The following PXK variants were observed in gnomAD, a reference collection of about 807,000 sequenced individuals.
The protein encoded by PXK is PX domain containing serine/threonine kinase like, also known as PX domain-containing protein kinase-like protein.
Under a neutral mutation model 84.7 loss-of-function variants are expected in PXK, and 35 were observed. That is an observed-to-expected ratio of 0.41 (90% CI 0.32 to 0.55). PXK has a LOEUF of 0.55. Among genes scored for constraint, PXK ranks in the 20% least tolerant of loss-of-function variants. The probability of loss-of-function intolerance (pLI) is 0.21; values close to 1 mark genes in which losing one functional copy is unlikely to be tolerated. For synonymous variants in PXK, 253 were observed against 260.8 expected (o/e 0.97, Z 0.29); for missense variants, 634 against 699.7 (o/e 0.91, Z 1.06).
chr3:58,390,690 AAGAC>A lies in PXK; in HGVS notation c.466+35_466+38del. The stretch of plus-strand genomic sequence containing the variant: ...ACATTGGCACGCTCATTCTGTTAAA[AAGAC>A]AGATCACAGAACTGGATCCTTAGTC... On this transcript the variant is annotated intron_variant, in intron 5 of 17. Coordinates refer to ENST00000356151, the MANE Select transcript of PXK (RefSeq NM_017771.5). The surrounding 1 kb of genome is among the most constrained non-coding windows in gnomAD (Gnocchi z 4.2). 1 of 1,587,082 alleles carries A rather than the reference AAGAC, an allele frequency of 6.3e-7. No homozygotes were observed. Among genetic ancestry groups the A allele is most frequent in the Non-Finnish European group, 8.6e-7 (1 of 1,159,282 alleles).
At position 58,390,782 on chromosome 3, in the gene PXK, A is replaced by G; in HGVS notation, c.466+123A>G. 1.2e-6 allele frequency: 1 copy of G among 857,900 alleles called. No individual in the cohort carries two copies. Among genetic ancestry groups the G allele is most frequent in the Non-Finnish European group, 1.8e-6 (1 of 563,810 alleles). 53.1% of individuals were successfully genotyped at this position (857,900 alleles called of 1,614,324 possible). On this transcript the variant is annotated intron_variant, in intron 5 of 17. Coordinates refer to ENST00000356151, the MANE Select transcript of PXK (RefSeq NM_017771.5). This position sits in a 1 kb window ranked among gnomAD's most constrained non-coding sequence, Gnocchi z 4.2. ...GCAGGTGACTTCTTTTTCTTTTTGC[A>G]TATCAACTGCTTGAGGATACAGCTG... is the stretch of plus-strand genomic sequence containing the variant.
Position 58,399,750 on chromosome 3 carries a change from C to G in PXK, c.1181+373C>G, listed in dbSNP as rs1464143244. Among the ~76,000 whole-genome samples, 1 of 152,046 alleles carries G rather than the reference C, an allele frequency of 6.6e-6. No homozygotes were observed. The highest frequency in any genetic ancestry group is 1.5e-5 in the Non-Finnish European group (1 of 68,024). ...CCCTGCATCAGCAAACCAGTTGGCC[C>G]CCAGCTGTGCATAGTTCACAAGTCA... On this transcript the variant is annotated intron_variant, in intron 12 of 17. Coordinates refer to ENST00000356151, the MANE Select transcript of PXK (RefSeq NM_017771.5). The surrounding 1 kb of genome is among the most constrained non-coding windows in gnomAD (Gnocchi z 4.3).
intron 4 of PXK, among the ~76,000 whole-genome samples, chr3:58,387,140 A>G (rs1281843978): frequency 1.3e-5 from 2 of 152,132 alleles, no homozygotes; most frequent in African/African-American, 4.8e-5. Flanking sequence ...GCCTGGTACA[A>G]CTGAGCTCTG....
intron 1 of PXK, among the ~76,000 whole-genome samples, chr3:58,348,993 A>G (rs1425030002): frequency 1.3e-5 from 2 of 152,164 alleles, no homozygotes; most frequent in Non-Finnish European, 2.9e-5. Flanking sequence ...CAATTACAGC[A>G]TATCTCAATT....
chr3:58,378,492 C>CT lies in PXK; in HGVS notation c.202-4001dup, dbSNP rs1159247642. ...ATTGGATTTGGACTTCATTTTTCTT[C>CT]TTTTTTTTTTTTTTTTTTTTTGTGT... On this transcript the variant is annotated intron_variant, in intron 3 of 17. Transcript: ENST00000356151. Among the ~76,000 whole-genome samples the CT allele has an allele frequency of 4.5e-4, 11 of 24,310 alleles. 1 individual carries two copies. Among genetic ancestry groups the CT allele is most frequent in the Middle Eastern group, 0.026 (1 of 38 alleles). The allele number at this position is 24,310 out of a possible 152,430, so 15.9% of individuals were successfully genotyped here. A position where few individuals can be genotyped will look rare whatever the true frequency, so the allele number is the denominator to read the frequency against.
chr3:58,333,238 C>A lies in PXK; in HGVS notation c.102+148C>A, dbSNP rs1047941579. 3 of 369,872 alleles carry A rather than the reference C, an allele frequency of 8.1e-6. No homozygotes were observed. The highest frequency in any genetic ancestry group is 9.5e-5 in the South Asian group (1 of 10,492). 22.9% of individuals were successfully genotyped at this position (369,872 alleles called of 1,614,324 possible). On this transcript the variant is annotated intron_variant, in intron 1 of 17. Transcript: ENST00000356151. This position sits in a 1 kb window ranked among gnomAD's most constrained non-coding sequence, Gnocchi z 5.4. ...CCTGGCCGAGAAGGCTGTGGCGCGC[C>A]GCTGGGTCTGGGTCAGGGCCCCTGG...
At chr3:58,363,547 C>T (rs903476274) in intron 1 of PXK, among the ~76,000 whole-genome samples, 3 of 152,084 alleles carry the variant, frequency 2.0e-5, no homozygotes, top group African/African-American at 7.2e-5. Context: ...GTCTTAAACT[C>T]CTGGACTCAA....
intron 1 of PXK, 131 bp from the exon 2 acceptor site, chr3:58,365,743 C>T: frequency 4.6e-6 from 3 of 657,758 alleles, no homozygotes; most frequent in Non-Finnish European, 7.3e-6. Flanking sequence ...GTCCCTTTCT[C>T]TCTGTCTCTG....
chr3:58,339,587 A>G (rs1575651821), intron 1 of PXK, among the ~76,000 whole-genome samples: 1 of 152,202 alleles, frequency 6.6e-6, no homozygotes, highest in East Asian at 1.9e-4. Flanking sequence ...ATCCCTGTAT[A>G]TCATCTGTTT....
At chr3:58,360,319 TG>T (rs1227345161) in intron 1 of PXK, among the ~76,000 whole-genome samples, 5 of 152,236 alleles carry the variant, frequency 3.3e-5, no homozygotes, top group African/African-American at 1.2e-4. Context: ...TATCAGTCTT[TG>T]CCAAATAAAC....
At chr3:58,373,608 GC>G (rs1233503390) in intron 3 of PXK, among the ~76,000 whole-genome samples, 3 of 152,178 alleles carry the variant, frequency 2.0e-5, no homozygotes, top group Non-Finnish European at 4.4e-5. Context: ...ATGGTTGAAG[GC>G]AATTTACAGA....
At chr3:58,346,074 C>T (rs2097811140) in intron 1 of PXK, among the ~76,000 whole-genome samples, 1 of 152,180 alleles carries the variant, frequency 6.6e-6, no homozygotes, top group African/African-American at 2.4e-5. Flanking sequence ...CAGGTCTAAG[C>T]AAGACAGACT....
Position 58,355,313 on chromosome 3 carries a change from T to C in PXK, c.103-10561T>C, listed in dbSNP as rs2098049256. On this transcript the variant is annotated intron_variant, in intron 1 of 17. Coordinates refer to ENST00000356151, the MANE Select transcript of PXK (RefSeq NM_017771.5). ...GTAGAGAGGTGGGAACACTGACAGGTTCTGCAAAACATCTCTGAACAGCTG... is the reference window on the plus strand; with the variant it reads ...GTAGAGAGGTGGGAACACTGACAGGCTCTGCAAAACATCTCTGAACAGCTG... 3.3e-5 allele frequency among the ~76,000 whole-genome samples: 5 copies of C among 152,064 alleles called. No homozygotes were observed. In the South Asian group the frequency reaches 1.0e-3, roughly 31 times the overall value.
Position 58,412,832 on chromosome 3 carries a change from C to T in PXK, c.1466-69C>T. The T allele has an allele frequency of 1.7e-5, 26 of 1,522,716 alleles. No homozygotes were observed. The highest frequency in any genetic ancestry group is 2.4e-5 in the Non-Finnish European group (26 of 1,097,204). 94.3% of individuals were successfully genotyped at this position (1,522,716 alleles called of 1,614,324 possible). On this transcript the variant is annotated intron_variant, in intron 16 of 17. Transcript: ENST00000356151. The surrounding 1 kb of genome is among the most constrained non-coding windows in gnomAD (Gnocchi z 6.2). ...TGTAGATTCTCAGACAGCAGTGGGT[C>T]CCAGCCTGGGCCAAATTCCAAATGT...
At chr3:58,404,234 G>A (rs963297274) in intron 13 of PXK, among the ~76,000 whole-genome samples, 1 of 152,174 alleles carries the variant, frequency 6.6e-6, no homozygotes, top group Admixed American at 6.5e-5. Flanking sequence ...GGAAGCAGTG[G>A]TGTTATGTGT....
intron 7 of PXK, 21 bp downstream of exon 7, chr3:58,391,868 T>C (rs200350373): frequency 2.5e-6 from 4 of 1,578,494 alleles, no homozygotes; most frequent in African/African-American, 1.3e-5. Context: ...GTCTTTCTTT[T>C]ATTCTCAGTG....
rs566429665 is a variant in PXK at position 58,350,553 on chromosome 3, C to T, written c.103-15321C>T. ...GTCCAAGGGCATAGAAGGTAGGAAC[C>T]GCTGTGCCCCTGGGTCAGACTGGCC... On this transcript the variant is annotated intron_variant, in intron 1 of 17. Coordinates refer to ENST00000356151, the MANE Select transcript of PXK (RefSeq NM_017771.5). Among the ~76,000 whole-genome samples, 11 of 152,290 alleles carry T rather than the reference C, an allele frequency of 7.2e-5. No individual in the cohort carries two copies. The East Asian group carries it at 1.3e-3, about 19-fold the overall frequency.
chr3:58,415,595 T>C (rs963491556), intron 17 of PXK, among the ~76,000 whole-genome samples: 2 of 152,240 alleles, frequency 1.3e-5, no homozygotes, highest in Admixed American at 1.3e-4. Context: ...TATGGAGACG[T>C]CATTGGATAG....
intron 1 of PXK, among the ~76,000 whole-genome samples, chr3:58,353,493 G>A (rs1427295272): frequency 6.6e-6 from 1 of 152,138 alleles, no homozygotes; most frequent in Admixed American, 6.5e-5. Flanking sequence ...ACAAAACAAA[G>A]GTAGGTTCTA....
Sources: allele counts gnomAD v4.1 joint callset (sites outside exome capture counted in the v4.1 genomes callset), GRCh38; gene constraint gnomAD v4.1.1; non-coding constraint Gnocchi (gnomAD v3.1); transcripts MANE v1.5; gene names NCBI Gene and HGNC (gene_info 2026-07-23, HGNC 2026-07-21).